The following TIMP2 variants were observed in gnomAD, a reference collection of about 807,000 sequenced individuals.
TIMP2 encodes the protein metalloproteinase inhibitor 2.
Under a neutral mutation model 24.3 loss-of-function variants are expected in TIMP2, and 5 were observed. The ratio of observed to expected loss-of-function variants is 0.21; its 90% CI spans 0.11 to 0.43. The LOEUF is 0.43. Ranked by LOEUF, TIMP2 falls within the 20% of genes least tolerant of loss-of-function variation. TIMP2 has a pLI of 1.00. For synonymous variants in TIMP2, 130 were observed against 123.2 expected (o/e 1.06, Z -0.37); for missense variants, 221 against 297.5 (o/e 0.74, Z 1.89).
intron 3 of TIMP2, among the ~76,000 whole-genome samples, chr17:78,864,135 C>T (rs989806333): frequency 1.3e-5 from 2 of 152,208 alleles, no homozygotes; most frequent in African/African-American, 4.8e-5. Context: ...GGCTAGAGTG[C>T]AGTGGTGCAG....
intron 1 of TIMP2, chr17:78,890,591 C>A: frequency 6.6e-7 from 1 of 1,517,422 alleles, no homozygotes. Flanking sequence ...CCAGTGCTGG[C>A]AGCACCATTA....
chr17:78,910,194 CTTT>C (rs941956227), intron 1 of TIMP2, among the ~76,000 whole-genome samples: 48 of 142,704 alleles, frequency 3.4e-4, no homozygotes, highest in African/African-American at 1.1e-3. Flanking sequence ...ATTTCTTTTT[CTTT>C]TTTTTTTTTT....
chr17:78,872,766 T>G (rs1334920773), intron 2 of TIMP2, among the ~76,000 whole-genome samples: 1 of 151,724 alleles, frequency 6.6e-6, no homozygotes, highest in Non-Finnish European at 1.5e-5. Flanking sequence ...CCCCTTAAAC[T>G]GACATACATG....
intron 1 of TIMP2, among the ~76,000 whole-genome samples, chr17:78,919,685 A>G (rs1198121261): frequency 6.6e-6 from 1 of 152,162 alleles, no homozygotes; most frequent in Non-Finnish European, 1.5e-5. Context: ...ATTCAAAAAA[A>G]TTAGCCGGGC....
chr17:78,876,879 G>C (rs2069732770), intron 1 of TIMP2, among the ~76,000 whole-genome samples: 1 of 147,676 alleles, frequency 6.8e-6, no homozygotes, highest in African/African-American at 2.5e-5. Flanking sequence ...TCTGCCTGGA[G>C]AACTTTTCTT....
intron 1 of TIMP2, among the ~76,000 whole-genome samples, chr17:78,882,324 C>A (rs1237320801): frequency 6.6e-6 from 1 of 152,176 alleles, no homozygotes; most frequent in African/African-American, 2.4e-5. Context: ...TACCAGGGGC[C>A]CCTCTGCCCC....
intron 1 of TIMP2, among the ~76,000 whole-genome samples, chr17:78,876,683 A>ATTT (rs34926655): frequency 2.1e-5 from 3 of 145,164 alleles, no homozygotes; most frequent in East Asian, 4.0e-4. Context: ...TGCCAGGCTA[A>ATTT]TTTTTTTTTT....
intron 1 of TIMP2, among the ~76,000 whole-genome samples, chr17:78,908,314 T>C (rs73397219): frequency 0.016 from 2,388 of 152,236 alleles, 70 homozygotes; most frequent in African/African-American, 0.055. Context: ...CTAAATTATT[T>C]CTCTCAGAAA....
intron 1 of TIMP2, among the ~76,000 whole-genome samples, chr17:78,883,969 G>C (rs530386848): frequency 2.0e-5 from 3 of 152,218 alleles, no homozygotes; most frequent in African/African-American, 7.2e-5. Context: ...TGAATCACTT[G>C]AAAACAATGC....
chr17:78,879,223 T>C (rs2069756638), intron 1 of TIMP2, among the ~76,000 whole-genome samples: 1 of 152,176 alleles, frequency 6.6e-6, no homozygotes, highest in African/African-American at 2.4e-5. Flanking sequence ...AAGGAGAGTT[T>C]CCAATGCCCA....
rs2070331803 is a variant in TIMP2, at chr17:78,924,266, G to A, written c.130+693C>T. Among the ~76,000 whole-genome samples, 1 of 152,246 alleles carries A rather than the reference G, an allele frequency of 6.6e-6. No homozygotes were observed. The highest frequency in any genetic ancestry group is 2.1e-4 in the South Asian group (1 of 4,834). On this transcript the variant is annotated intron_variant, in intron 1 of 4. Transcript: ENST00000262768. The surrounding 1 kb of genome is among the most constrained non-coding windows in gnomAD (Gnocchi z 5.3). ...CCACGTGCCGGGTCCGGTCACCAAA[G>A]TCTCCAGCTTTTGTGGACGTCCCGA...
chr17:78,898,934 C>T (rs1443344805), intron 1 of TIMP2: 1 of 152,232 alleles, frequency 6.6e-6, no homozygotes, highest in Admixed American at 6.5e-5. Context: ...GATAGGGTTT[C>T]ACCATGCCGG....
chr17:78,894,378 T>C (rs2069965344), intron 1 of TIMP2, among the ~76,000 whole-genome samples: 1 of 152,008 alleles, frequency 6.6e-6, no homozygotes, highest in Admixed American at 6.6e-5. Flanking sequence ...TGGGAGGTCC[T>C]TGCACCTCTT....
chr17:78,891,305 A>T lies in TIMP2; in HGVS notation c.131-17386T>A, dbSNP rs1218556280. ...GCTCCTGGGTTCCCCGGCAGGCAGC[A>T]TCTCTGGGTCTGCCATTTTCTTCCC... On this transcript the variant is annotated intron_variant, in intron 1 of 4. Coordinates refer to ENST00000262768, the MANE Select transcript of TIMP2 (RefSeq NM_003255.5). This position sits in a 1 kb window ranked among gnomAD's most constrained non-coding sequence, Gnocchi z 4.5. 6.4e-7 allele frequency: 1 copy of T among 1,550,500 alleles called. No individual in the cohort carries two copies.
chr17:78,918,906 G>A (rs925428630), intron 1 of TIMP2, among the ~76,000 whole-genome samples: 33 of 151,724 alleles, frequency 2.2e-4, no homozygotes, highest in Admixed American at 2.0e-3. Flanking sequence ...GCTTGGGCCA[G>A]GAAATTGAAG....
At chr17:78,861,458 G>A (rs1243047283) in intron 3 of TIMP2, among the ~76,000 whole-genome samples, 1 of 152,170 alleles carries the variant, frequency 6.6e-6, no homozygotes, top group Non-Finnish European at 1.5e-5. Context: ...GTTTACTGAT[G>A]AGACACACCC....
At chr17:78,888,652 T>C (rs890102282) in intron 1 of TIMP2, among the ~76,000 whole-genome samples, 1 of 152,140 alleles carries the variant, frequency 6.6e-6, no homozygotes, top group Non-Finnish European at 1.5e-5. Flanking sequence ...GGTCTCCCCA[T>C]GTTGCCCACG....
chr17:78,877,983 G>A (rs1179313733), intron 1 of TIMP2, among the ~76,000 whole-genome samples: 2 of 152,162 alleles, frequency 1.3e-5, no homozygotes, highest in Non-Finnish European at 2.9e-5. Context: ...TGGGATTACA[G>A]GCATGAGCTA....
rs1412877294 is a variant in TIMP2 at position 78,914,816 on chromosome 17, G to A, written c.130+10143C>T. On this transcript the variant is annotated intron_variant, in intron 1 of 4. Coordinates refer to ENST00000262768, the MANE Select transcript of TIMP2 (RefSeq NM_003255.5). The stretch of plus-strand genomic sequence containing the variant: ...TGCCTAGGCTGATCTGGAACTCCTG[G>A]GCTCAAGTGATCCTCCCGCCTCAGC... 2.0e-5 allele frequency among the ~76,000 whole-genome samples: 3 copies of A among 151,888 alleles called. No individual in the cohort carries two copies. In the East Asian group the frequency reaches 5.8e-4, roughly 29 times the overall value.
Sources: gnomAD v4.1 joint callset for allele counts (sites outside exome capture counted in the v4.1 genomes callset) on GRCh38, gnomAD v4.1.1 for gene constraint, Gnocchi (gnomAD v3.1) non-coding constraint, MANE v1.5 for transcripts, NCBI Gene and HGNC (gene_info 2026-07-23, HGNC 2026-07-21) for gene names.